LNPEP: variants seen among roughly 807,000 people sequenced by gnomAD.
The protein encoded by LNPEP is leucyl-cystinyl aminopeptidase.
A neutral mutation model predicts 120.6 loss-of-function variants in LNPEP; 64 were observed. The observed-to-expected ratio is 0.53, with a 90% CI of 0.43 to 0.65. LNPEP has a LOEUF of 0.65. Ranked by LOEUF, LNPEP falls within the 30% of genes least tolerant of loss-of-function variation. The pLI is 0.00. For synonymous variants in LNPEP, 435 were observed against 425.4 expected, an observed-to-expected ratio of 1.02 and a Z score of -0.28; for missense variants, 1,057 against 1,200.0, an observed-to-expected ratio of 0.88 and a Z score of 1.76.
At position 97,033,028 on chromosome 5, in the gene LNPEP, C is replaced by A. The variant is rs1038058398; in HGVS notation, c.*4495C>A. 6.6e-6 allele frequency: 1 copy of A among 152,178 alleles called. No homozygotes were observed. Among genetic ancestry groups the A allele is most frequent in the African/African-American group, 2.4e-5 (1 of 41,426 alleles). 9.4% of individuals were successfully genotyped at this position (152,178 alleles called of 1,614,324 possible). On this transcript the variant is annotated 3_prime_UTR_variant, in exon 18 of 18. Coordinates refer to ENST00000231368, the MANE Select transcript of LNPEP (RefSeq NM_005575.3). The stretch of plus-strand genomic sequence containing the variant: ...ACAAATCTCTTTTCCCTTTTCCTTA[C>A]TGCCTATTTAGGCAATAGCTAATAG...
At chr5:96,983,609 C>G (rs1790175650) in intron 2 of LNPEP, among the ~76,000 whole-genome samples, 1 of 152,026 alleles carries the variant, frequency 6.6e-6, no homozygotes, top group Non-Finnish European at 1.5e-5. Flanking sequence ...CCATGCCTGG[C>G]TAATTTTTAT....
intron 2 of LNPEP, among the ~76,000 whole-genome samples, chr5:96,980,666 T>A (rs188672097): frequency 2.4e-4 from 36 of 152,288 alleles, no homozygotes; most frequent in African/African-American, 8.7e-4. Context: ...GTATGGAGGT[T>A]ATTCTTAAGT....
rs112696493 is a variant in LNPEP, at chr5:96,979,264, G to A, written c.146G>A (p.Arg49Gln). 9.9e-6 allele frequency: 16 copies of A among 1,613,956 alleles called. No individual in the cohort carries two copies. The highest frequency in any genetic ancestry group is 6.7e-5 in the African/African-American group (5 of 75,038). Residue 49 changes from arginine to glutamine, a missense_variant, in exon 2 of 18, where the codon CGG becomes CAG. Physicochemically the swap from Arg to Gln is conservative, Grantham distance 43. Coordinates refer to ENST00000231368, the MANE Select transcript of LNPEP (RefSeq NM_005575.3). ...LEPDEVEYEP[R>Q]GSRLLVRGLG... ...CCTGATGAGGTGGAATATGAGCCCC[G>A]GGGTTCCCGACTGCTGGTGCGGGGT... is the stretch of plus-strand genomic sequence containing the variant.
intron 1 of LNPEP, chr5:96,962,681 A>G: frequency 7.0e-6 from 1 of 142,520 alleles, no homozygotes; most frequent in East Asian, 2.0e-4. Context: ...TGAAGCAATG[A>G]GGGTGGAGAA....
At chr5:96,987,893 C>G (rs867808973) in intron 4 of LNPEP, among the ~76,000 whole-genome samples, 2 of 152,300 alleles carry the variant, frequency 1.3e-5, no homozygotes, top group Middle Eastern at 3.4e-3. Context: ...CTTGATAAAG[C>G]CTAAGAAGCC....
intron 1 of LNPEP, among the ~76,000 whole-genome samples, chr5:96,939,014 C>G (rs1012446900): frequency 1.3e-5 from 2 of 150,522 alleles, no homozygotes; most frequent in African/African-American, 4.9e-5. Flanking sequence ...AGGCAACTAT[C>G]TGCTTTTTTG....
chr5:96,971,497 C>G (rs909141602), intron 1 of LNPEP, among the ~76,000 whole-genome samples: 3 of 151,850 alleles, frequency 2.0e-5, no homozygotes, highest in African/African-American at 7.3e-5. Context: ...CTGCTGCATT[C>G]TCACACTCCT....
At chr5:96,959,386 T>C (rs1789545435) in intron 1 of LNPEP, among the ~76,000 whole-genome samples, 6 of 152,218 alleles carry the variant, frequency 3.9e-5, no homozygotes, top group Admixed American at 3.9e-4. Flanking sequence ...TTTTAATTAA[T>C]TTATAGTTAA....
intron 15 of LNPEP, among the ~76,000 whole-genome samples, chr5:97,025,793 A>C (rs1437526912): frequency 2.0e-5 from 3 of 149,818 alleles, no homozygotes; most frequent in Non-Finnish European, 3.0e-5. Flanking sequence ...TTTCCATGTC[A>C]CTTCATGAAG....
rs117370275 is a variant in LNPEP at position 96,973,471 on chromosome 5, G to A, written c.20-5667G>A. Among the ~76,000 whole-genome samples, 23 of 152,118 alleles carry A rather than the reference G, an allele frequency of 1.5e-4. No individual in the cohort carries two copies. The East Asian group carries it at 4.2e-3, about 28-fold the overall frequency. On this transcript the variant is annotated intron_variant, in intron 1 of 17. Transcript: ENST00000231368. ...TGCTGTCCCATACTTGGAACTTATA[G>A]TTCTATATAAATATGTCATAGGGGA...
Position 96,983,332 on chromosome 5 carries a change from G to A in LNPEP, c.861-1748G>A, listed in dbSNP as rs988115790. Among the ~76,000 whole-genome samples, 7 of 152,156 alleles carry A rather than the reference G, an allele frequency of 4.6e-5. 1 individual carries two copies. Among genetic ancestry groups the A allele is most frequent in the South Asian group, 4.1e-4 (2 of 4,832 alleles). Reference sequence around the variant, plus strand: ...GGGCCATATATTTGCCGTGATTATAGCCACGCTGGGATGATCTCCCAAGTT... The same window carrying A: ...GGGCCATATATTTGCCGTGATTATAACCACGCTGGGATGATCTCCCAAGTT... On this transcript the variant is annotated intron_variant, in intron 2 of 17. Coordinates refer to ENST00000231368, the MANE Select transcript of LNPEP (RefSeq NM_005575.3).
intron 6 of LNPEP, among the ~76,000 whole-genome samples, chr5:96,994,829 G>C (rs935494246): frequency 6.6e-6 from 1 of 152,204 alleles, no homozygotes; most frequent in Admixed American, 6.6e-5. Context: ...TAGGGCATGG[G>C]CCAGATGCAG....
intron 1 of LNPEP, among the ~76,000 whole-genome samples, chr5:96,966,925 A>G (rs1264841364): frequency 6.6e-6 from 1 of 152,076 alleles, no homozygotes; most frequent in African/African-American, 2.4e-5. Flanking sequence ...TAGTAGGTAA[A>G]TTCTTAAAAT....
intron 5 of LNPEP, among the ~76,000 whole-genome samples, chr5:96,993,436 A>G (rs1372551286): frequency 6.6e-6 from 1 of 152,188 alleles, no homozygotes; most frequent in Non-Finnish European, 1.5e-5. Flanking sequence ...CCCTATTTAA[A>G]TAATAAAAAC....
At position 96,953,143 on chromosome 5, in the gene LNPEP, A is replaced by T. The variant is rs545304909; in HGVS notation, c.19+16969A>T. On this transcript the variant is annotated intron_variant, in intron 1 of 17. Coordinates refer to ENST00000231368, the MANE Select transcript of LNPEP (RefSeq NM_005575.3). Reference sequence around the variant, plus strand: ...TGGGGTTTGACTATACCTGGAACAGATGGTTAATCTATTGGCTTGCTATAA... The same window carrying T: ...TGGGGTTTGACTATACCTGGAACAGTTGGTTAATCTATTGGCTTGCTATAA... 7.3e-5 allele frequency among the ~76,000 whole-genome samples: 9 copies of T among 123,078 alleles called. No homozygotes were observed. The South Asian group carries it at 7.7e-4, about 10-fold the overall frequency. 80.7% of individuals were successfully genotyped at this position (123,078 alleles called of 152,430 possible).
intron 1 of LNPEP, among the ~76,000 whole-genome samples, chr5:96,953,403 A>T (rs1193810943): frequency 6.6e-6 from 1 of 152,166 alleles, no homozygotes; most frequent in East Asian, 1.9e-4. Context: ...TTAATAGAGG[A>T]GTTTGATTAG....
Position 96,975,721 on chromosome 5 carries a change from T to C in LNPEP, c.20-3417T>C, listed in dbSNP as rs147410098. On this transcript the variant is annotated intron_variant, in intron 1 of 17. Coordinates refer to ENST00000231368, the MANE Select transcript of LNPEP (RefSeq NM_005575.3). ...AAAAATAGCTCAGTTTTATACATTATTAAATTCAATACACATAAAAATTAC... is the reference window on the plus strand; with the variant it reads ...AAAAATAGCTCAGTTTTATACATTACTAAATTCAATACACATAAAAATTAC... Among the ~76,000 whole-genome samples, 26 of 152,282 alleles carry C rather than the reference T, an allele frequency of 1.7e-4. No homozygotes were observed. In the East Asian group the frequency reaches 1.9e-3, roughly 11 times the overall value.
At chr5:96,941,437 T>C (rs1192998591) in intron 1 of LNPEP, among the ~76,000 whole-genome samples, 1 of 152,210 alleles carries the variant, frequency 6.6e-6, no homozygotes, top group Non-Finnish European at 1.5e-5. Context: ...CATAGTATAA[T>C]TGGAGCAACC....
chr5:97,034,707 G>C lies in LNPEP; in HGVS notation c.*6174G>C, dbSNP rs1456755995. 1 of 151,920 alleles carries C rather than the reference G, an allele frequency of 6.6e-6. No homozygotes were observed. The highest frequency in any genetic ancestry group is 2.4e-5 in the African/African-American group (1 of 41,378). 9.4% of individuals were successfully genotyped at this position (151,920 alleles called of 1,614,324 possible). A position where few individuals can be genotyped will look rare whatever the true frequency, so the allele number is the denominator to read the frequency against. ...GGAGTGGGATTGTTGAGAGGAAAAG[G>C]CAAGATATATAATTTTTTTAATGTA... On this transcript the variant is annotated 3_prime_UTR_variant, in exon 18 of 18. Coordinates refer to ENST00000231368, the MANE Select transcript of LNPEP (RefSeq NM_005575.3).
Sources: gnomAD v4.1 joint callset for allele counts (sites outside exome capture counted in the v4.1 genomes callset) on GRCh38, gnomAD v4.1.1 for gene constraint, MANE v1.5 for transcripts, NCBI Gene and HGNC (gene_info 2026-07-23, HGNC 2026-07-21) for gene names.